GLRA3: variants seen among roughly 807,000 people sequenced by gnomAD.
GLRA3 encodes glycine receptor subunit alpha-3.
GLRA3 carries 44 observed loss-of-function variants against 60.4 expected under a neutral mutation model. The ratio of observed to expected loss-of-function variants is 0.73; its 90% CI spans 0.57 to 0.94. GLRA3 has a LOEUF of 0.94. Among genes scored for constraint, GLRA3 ranks in the 40% least tolerant of loss-of-function variants. GLRA3 has a pLI of 0.00. For synonymous variants in GLRA3, 223 were observed against 192.9 expected, an observed-to-expected ratio of 1.16 and a Z score of -1.29; for missense variants, 508 against 564.6, an observed-to-expected ratio of 0.90 and a Z score of 1.02.
intron 1 of GLRA3, among the ~76,000 whole-genome samples, chr4:174,797,459 G>A (rs1579624419): frequency 6.6e-6 from 1 of 152,126 alleles, no homozygotes; most frequent in East Asian, 1.9e-4. Flanking sequence ...GGAACTCTGT[G>A]TGGGCTCATA....
At chr4:174,685,561 G>A (rs896023162) in intron 5 of GLRA3, among the ~76,000 whole-genome samples, 4 of 152,074 alleles carry the variant, frequency 2.6e-5, no homozygotes, top group Admixed American at 6.5e-5. Flanking sequence ...GAACCTGAAG[G>A]ACTGTCCCCT....
intron 3 of GLRA3, among the ~76,000 whole-genome samples, chr4:174,735,194 G>T (rs1393153794): frequency 6.6e-6 from 1 of 152,052 alleles, no homozygotes; most frequent in Non-Finnish European, 1.5e-5. Context: ...TAGATAACCA[G>T]GTGGACTTCA....
At chr4:174,823,679 C>T (rs1043778361) in intron 1 of GLRA3, among the ~76,000 whole-genome samples, 2 of 152,158 alleles carry the variant, frequency 1.3e-5, no homozygotes, top group African/African-American at 2.4e-5. Flanking sequence ...AGATGATCTA[C>T]CTTCTCCAAA....
At chr4:174,695,220 T>G (rs898420160) in intron 5 of GLRA3, among the ~76,000 whole-genome samples, 1 of 151,896 alleles carries the variant, frequency 6.6e-6, no homozygotes, top group Admixed American at 6.6e-5. Context: ...GAGGAGGGAC[T>G]CCTCCTCAAC....
chr4:174,782,645 A>G (rs906198798), intron 2 of GLRA3, among the ~76,000 whole-genome samples: 2 of 152,226 alleles, frequency 1.3e-5, no homozygotes, highest in African/African-American at 4.8e-5. Flanking sequence ...TCAATGTACA[A>G]AAATCACAAG....
chr4:174,754,477 T>C (rs1262876773), intron 3 of GLRA3, among the ~76,000 whole-genome samples: 1 of 152,138 alleles, frequency 6.6e-6, no homozygotes, highest in Non-Finnish European at 1.5e-5. Context: ...ATTAAAAGGA[T>C]AGCAGGATAC....
At chr4:174,761,225 C>T (rs1414687375) in intron 3 of GLRA3, among the ~76,000 whole-genome samples, 1 of 151,814 alleles carries the variant, frequency 6.6e-6, no homozygotes, top group Non-Finnish European at 1.5e-5. Context: ...ATTCCCTTAA[C>T]ATATATATAG....
intron 5 of GLRA3, chr4:174,712,628 CT>C (rs1162855443): frequency 2.6e-5 from 4 of 152,084 alleles, no homozygotes; most frequent in Non-Finnish European, 5.9e-5. Context: ...CTTCCCACGT[CT>C]TAATATTATT....
At chr4:174,817,964 T>G (rs1740575658) in intron 1 of GLRA3, among the ~76,000 whole-genome samples, 1 of 152,194 alleles carries the variant, frequency 6.6e-6, no homozygotes, top group Non-Finnish European at 1.5e-5. Flanking sequence ...AGTATATATT[T>G]TCTGCTAAAG....
intron 8 of GLRA3, 75 bp from the exon 9 acceptor site, chr4:174,656,862 C>T (rs1733226503): frequency 1.2e-6 from 1 of 842,524 alleles, no homozygotes; most frequent in East Asian, 2.6e-5. Flanking sequence ...AATATAATTA[C>T]ACAATTGGTT....
chr4:174,787,541 T>C (rs13131861), intron 2 of GLRA3, among the ~76,000 whole-genome samples: 252 of 142,094 alleles, frequency 1.8e-3, no homozygotes, highest in Non-Finnish European at 3.1e-3. Flanking sequence ...TTCATTTGTA[T>C]ATTGTACCCT....
In GLRA3 at chr4:174,647,587, A is replaced by G. The variant is rs1453427326; in HGVS notation, c.1117-3523T>C. 2.0e-5 allele frequency among the ~76,000 whole-genome samples: 3 copies of G among 152,144 alleles called. No homozygotes were observed. In the East Asian group the frequency reaches 5.8e-4, roughly 29 times the overall value. On this transcript the variant is annotated intron_variant, in intron 9 of 9. Transcript: ENST00000274093. ...CAACTCCAGGCAAGTGACACTGCAA[A>G]CTAGTGACTATAGTGCAGCCCTGTT...
chr4:174,762,048 A>C lies in GLRA3; in HGVS notation c.267+4915T>G, dbSNP rs557954845. On this transcript the variant is annotated intron_variant, in intron 3 of 9. Transcript: ENST00000274093. ...ATTATATGCTCCCACAAAAAGATTCACTGAATGAATGAATGCATAAACCAT... is the reference window on the plus strand; with the variant it reads ...ATTATATGCTCCCACAAAAAGATTCCCTGAATGAATGAATGCATAAACCAT... Among the ~76,000 whole-genome samples, 4 of 152,340 alleles carry C rather than the reference A, an allele frequency of 2.6e-5. No homozygotes were observed. The South Asian group carries it at 8.3e-4, about 32-fold the overall frequency.
chr4:174,778,822 C>CG (rs756211903), intron 2 of GLRA3, among the ~76,000 whole-genome samples: 2,249 of 152,290 alleles, frequency 0.015, 30 homozygotes, highest in Non-Finnish European at 0.023. Context: ...GAGGGTCCTA[C>CG]CCCACGGAGT....
chr4:174,758,791 A>T (rs1396676042), intron 3 of GLRA3, among the ~76,000 whole-genome samples: 2 of 152,134 alleles, frequency 1.3e-5, no homozygotes, highest in Non-Finnish European at 1.5e-5. Context: ...TTCTAAAATA[A>T]AAAGGTTATT....
intron 2 of GLRA3, among the ~76,000 whole-genome samples, chr4:174,775,878 C>A (rs1457870496): frequency 9.2e-6 from 1 of 109,060 alleles, no homozygotes. Context: ...TGTATCATAC[C>A]AAAAATAATG....
At position 174,640,073 on chromosome 4, in the gene GLRA3, T is replaced by C. The variant is rs1732590534; in HGVS notation, c.*3713A>G. 1 of 152,148 alleles carries C rather than the reference T, an allele frequency of 6.6e-6. No homozygotes were observed. The highest frequency in any genetic ancestry group is 6.5e-5 in the Admixed American group (1 of 15,270). 9.4% of individuals were successfully genotyped at this position (152,148 alleles called of 1,614,324 possible). A position where few individuals can be genotyped will look rare whatever the true frequency, so the allele number is the denominator to read the frequency against. Reference sequence around the variant, plus strand: ...CTTTGCTAGTTCAATATTAACTAGATGAAAAATATAGGTCGTATATGCTGA... The same window carrying C: ...CTTTGCTAGTTCAATATTAACTAGACGAAAAATATAGGTCGTATATGCTGA... On this transcript the variant is annotated 3_prime_UTR_variant, in exon 10 of 10. Coordinates refer to ENST00000274093, the MANE Select transcript of GLRA3 (RefSeq NM_006529.4).
chr4:174,686,016 C>T (rs1029247209), intron 5 of GLRA3, among the ~76,000 whole-genome samples: 1 of 152,158 alleles, frequency 6.6e-6, no homozygotes. Flanking sequence ...AATTTATAGA[C>T]AGTATATGTA....
chr4:174,716,007 A>C (rs1735904650), intron 4 of GLRA3, among the ~76,000 whole-genome samples: 1 of 152,252 alleles, frequency 6.6e-6, no homozygotes, highest in Admixed American at 6.5e-5. Flanking sequence ...GCCAAACGTC[A>C]AAAGGTATCT....
Sources: gnomAD v4.1 joint callset for allele counts (sites outside exome capture counted in the v4.1 genomes callset) on GRCh38, gnomAD v4.1.1 for gene constraint, MANE v1.5 for transcripts, NCBI Gene and HGNC (gene_info 2026-07-23, HGNC 2026-07-21) for gene names.